Variants in ZNF398 observed in about 807,000 individuals in gnomAD.
ZNF398 encodes zinc finger DNA binding protein ZER6.
A neutral mutation model predicts 41.9 loss-of-function variants in ZNF398; 18 were observed. That is an observed-to-expected ratio of 0.43 (90% CI 0.30 to 0.64). ZNF398 has a LOEUF of 0.64. Among genes scored for constraint, ZNF398 ranks in the 30% least tolerant of loss-of-function variants. The pLI is 0.14. For missense variants in ZNF398, 669 were observed against 822.8 expected (o/e 0.81, Z 2.29); for synonymous variants, 260 against 308.8 (o/e 0.84, Z 1.66).
chr7:149,145,701 C>T (rs748437085), upstream of ZNF398, among the ~76,000 whole-genome samples: 24 of 152,278 alleles, frequency 1.6e-4, no homozygotes, highest in South Asian at 6.2e-4. Context: ...ACCAATCAGT[C>T]AACTCCATTA....
At chr7:149,155,721 T>TA (rs1219372864) in intron 2 of ZNF398, among the ~76,000 whole-genome samples, 8,664 of 64,198 alleles carry the variant, frequency 0.13, 280 homozygotes, top group Middle Eastern at 0.2. Context: ...TTTTTTTTTT[T>TA]TTTTTTTTAA....
chr7:149,149,085 CT>C (rs1031575189), intron 1 of ZNF398, among the ~76,000 whole-genome samples: 1 of 151,412 alleles, frequency 6.6e-6, no homozygotes, highest in Non-Finnish European at 1.5e-5. Flanking sequence ...GGAAGAATCA[CT>C]TGAGTCCAGG....
chr7:149,131,027 A>G (rs1826584327), intron 2 of ZNF398, among the ~76,000 whole-genome samples: 1 of 152,206 alleles, frequency 6.6e-6, no homozygotes, highest in Admixed American at 6.6e-5. Flanking sequence ...TGTGAGTTTC[A>G]ACTGGTTAAT....
chr7:149,169,959 T>G (rs1172119050), intron 4 of ZNF398, among the ~76,000 whole-genome samples: 1 of 152,162 alleles, frequency 6.6e-6, no homozygotes, highest in Non-Finnish European at 1.5e-5. Flanking sequence ...GGGACAGGCT[T>G]CCCAGAGTCC....
At chr7:149,153,683 G>C (rs1585517885) in intron 1 of ZNF398, among the ~76,000 whole-genome samples, 1 of 152,144 alleles carries the variant, frequency 6.6e-6, no homozygotes, top group East Asian at 1.9e-4. Context: ...GGGCCTTATA[G>C]CGGAGGAAAT....
chr7:149,128,711 A>G (rs926539858), intron 1 of ZNF398: 1 of 146,460 alleles, frequency 6.8e-6, no homozygotes, highest in Non-Finnish European at 1.5e-5. Context: ...TGCTGACACT[A>G]CAGCCTGGGT....
chr7:149,178,976 C>T lies in ZNF398; in HGVS notation c.1104C>T (p.His368=), dbSNP rs750014634. 4 of 1,614,182 alleles carry T rather than the reference C, an allele frequency of 2.5e-6. No homozygotes were observed. The highest frequency in any genetic ancestry group is 3.4e-6 in the Non-Finnish European group (4 of 1,180,036). The change falls in exon 6 of 6, where the codon CAC becomes CAT. Residue 368 remains histidine (H), a synonymous_variant. Transcript: ENST00000475153. ...ACCAATGTAGCCATGCTACTGAGCA[C>T]CCCTTACCCTGTGCCCAGTGCCCTA... is the stretch of plus-strand genomic sequence containing the variant. The part of the protein sequence containing the change: ...LTHQCSHATE[H]PLPCAQCPKH...
In ZNF398 at chr7:149,166,877, C is replaced by T. The variant is rs1362618594; in HGVS notation, c.608C>T (p.Thr203Ile). ...SQIQPEGEHN[T>I]EDQAGPEESE... The stretch of plus-strand genomic sequence containing the variant: ...ATTCAACCAGAAGGGGAACATAATA[C>T]AGAGGACCAGGCAGGGCCAGAGGAA... Residue 203 changes from threonine (T) to isoleucine (I), a missense_variant, in exon 4 of 6, where the codon ACA (threonine) becomes ATA (isoleucine). Thr to Ile is a moderately conservative substitution (Grantham distance 89). Around this residue, in one of 3 missense-constraint regions of ZNF398, gnomAD observed 290 missense variants for 292.9 expected, o/e 0.99. Transcript: ENST00000475153. The T allele has an allele frequency of 1.2e-6, 2 of 1,613,124 alleles. No homozygotes were observed.
chr7:149,130,598 C>T (rs535058503), intron 2 of ZNF398, among the ~76,000 whole-genome samples: 8 of 152,198 alleles, frequency 5.3e-5, no homozygotes, highest in Non-Finnish European at 1.0e-4. Context: ...CCCTTGTGAA[C>T]GCATGAGAGT....
At chr7:149,129,769 C>T (rs1055253500) in intron 2 of ZNF398, among the ~76,000 whole-genome samples, 4 of 151,768 alleles carry the variant, frequency 2.6e-5, no homozygotes, top group Admixed American at 6.6e-5. Flanking sequence ...GTATTTTTTC[C>T]GTTTTATTAT....
chr7:149,163,371 A>ATT (rs36093586), intron 2 of ZNF398, among the ~76,000 whole-genome samples: 3 of 125,354 alleles, frequency 2.4e-5, no homozygotes, highest in Non-Finnish European at 5.1e-5. Flanking sequence ...TGCCCAGCTA[A>ATT]TTTTTTTTTT....
chr7:149,174,100 A>G (rs1795413575), intron 4 of ZNF398, among the ~76,000 whole-genome samples: 1 of 151,882 alleles, frequency 6.6e-6, no homozygotes, highest in Non-Finnish European at 1.5e-5. Context: ...GGCCTGATGT[A>G]GCATAATTCT....
At chr7:149,145,138 T>A (rs1000362548), upstream of ZNF398, among the ~76,000 whole-genome samples, 1 of 152,162 alleles carries the variant, frequency 6.6e-6, no homozygotes, top group African/African-American at 2.4e-5. Flanking sequence ...ATAGTTCTCA[T>A]ACTTTTGTGA....
At chr7:149,173,154 G>A in intron 4 of ZNF398, among the ~76,000 whole-genome samples, 1 of 142,028 alleles carries the variant, frequency 7.0e-6, no homozygotes, top group East Asian at 2.2e-4. Context: ...GCCCAGACTG[G>A]GGTGCAGTGG....
intron 4 of ZNF398, among the ~76,000 whole-genome samples, chr7:149,170,876 G>A (rs551803130): frequency 6.6e-6 from 1 of 151,914 alleles, no homozygotes; most frequent in African/African-American, 2.4e-5. Flanking sequence ...TATAAACACT[G>A]TATACTTAGG....
chr7:149,133,119 CTTT>C (rs146675534), intron 2 of ZNF398, among the ~76,000 whole-genome samples: 1 of 143,412 alleles, frequency 7.0e-6, no homozygotes, highest in East Asian at 2.0e-4. Flanking sequence ...ATCAGTAAGG[CTTT>C]TTTTTTTTTT....
rs999767585 is a variant in ZNF398 at position 149,166,085 on chromosome 7, A to G, written c.421-73A>G. ...TGAAAATGTAAAAAAAATAAAAGGA[A>G]CTAATTGGAAAGAGATTTATTGAAT... On this transcript the variant is annotated intron_variant, in intron 2 of 5. Coordinates refer to ENST00000475153, the MANE Select transcript of ZNF398 (RefSeq NM_170686.3). The G allele has an allele frequency of 3.8e-5, 56 of 1,487,268 alleles. No homozygotes were observed. In the Admixed American group the frequency reaches 1.2e-3, roughly 33 times the overall value. 92.1% of individuals were successfully genotyped at this position (1,487,268 alleles called of 1,614,324 possible).
At position 149,147,810 on chromosome 7, in the gene ZNF398, G is replaced by T; in HGVS notation, c.24+44G>T. ...GAGTGTTGTGAGCCCCCGAGACCCA[G>T]ACCCCGAGGGAGGAAGGCGGGCGGG... On this transcript the variant is annotated intron_variant, in intron 1 of 5. Transcript: ENST00000475153. This position sits in a 1 kb window ranked among gnomAD's most constrained non-coding sequence, Gnocchi z 5.6. 7.4e-7 allele frequency: 1 copy of T among 1,350,822 alleles called. No individual in the cohort carries two copies. The highest frequency in any genetic ancestry group is 1.8e-5 in the South Asian group (1 of 54,824). The allele number at this position is 1,350,822 out of a possible 1,614,324, so 83.7% of individuals were successfully genotyped here.
At chr7:149,141,885 G>A (rs753430943) in intron 2 of ZNF398, among the ~76,000 whole-genome samples, 37 of 152,066 alleles carry the variant, frequency 2.4e-4, no homozygotes, top group Admixed American at 3.9e-4. Flanking sequence ...CACTGCGCCC[G>A]GCCCTAATCC....
Sources: gnomAD v4.1 joint callset for allele counts (sites outside exome capture counted in the v4.1 genomes callset) on GRCh38, gnomAD v4.1.1 for gene constraint, gnomAD v4.1.1 regional missense constraint, Gnocchi (gnomAD v3.1) non-coding constraint, MANE v1.5 for transcripts, NCBI Gene and HGNC (gene_info 2026-07-23, HGNC 2026-07-21) for gene names.